Variants in FAM120B observed in about 807,000 individuals in gnomAD.
FAM120B encodes constitutive coactivator of peroxisome proliferator-activated receptor gamma.
In FAM120B, 83 loss-of-function variants were observed where a neutral mutation model predicts 96.3. That is an observed-to-expected ratio of 0.86 (90% CI 0.72 to 1.03). The LOEUF is 1.03. Ranked by LOEUF, FAM120B falls within the 50% of genes least tolerant of loss-of-function variation. FAM120B has a pLI of 0.00. For missense variants in FAM120B, 1,027 were observed against 1,121.2 expected, an observed-to-expected ratio of 0.92 and a Z score of 1.20; for synonymous variants, 407 against 402.7, an observed-to-expected ratio of 1.01 and a Z score of -0.13.
chr6:170,327,524 A>G lies in FAM120B; in HGVS notation c.1916-2925A>G, dbSNP rs369742967. Among the ~76,000 whole-genome samples, 18 of 152,328 alleles carry G rather than the reference A, an allele frequency of 1.2e-4. No homozygotes were observed. In the East Asian group the frequency reaches 2.7e-3, roughly 23 times the overall value. On this transcript the variant is annotated intron_variant, in intron 3 of 10. Transcript: ENST00000476287. ...CCACTTTAAATTATAGGCTTTATAC[A>G]CACTGCACACGGAGGCTGCTCCGGT...
intron 1 of FAM120B, among the ~76,000 whole-genome samples, chr6:170,314,673 G>C (rs964590716): frequency 6.6e-6 from 1 of 152,076 alleles, no homozygotes; most frequent in African/African-American, 2.4e-5. Flanking sequence ...GCAATGAAAG[G>C]CTTAAAAAAG....
chr6:170,309,923 T>C (rs1208933697), intron 1 of FAM120B, among the ~76,000 whole-genome samples: 2 of 152,218 alleles, frequency 1.3e-5, no homozygotes, highest in East Asian at 1.9e-4. Flanking sequence ...CATTTAGATA[T>C]AATGTTATGT....
intron 1 of FAM120B, among the ~76,000 whole-genome samples, chr6:170,307,494 G>T (rs1352676245): frequency 1.3e-5 from 2 of 152,216 alleles, no homozygotes; most frequent in Non-Finnish European, 2.9e-5. Context: ...ATAAAGGTTG[G>T]ATTTGAGCAG....
intron 4 of FAM120B, among the ~76,000 whole-genome samples, chr6:170,343,395 G>A (rs767934324): frequency 4.6e-5 from 7 of 152,058 alleles, no homozygotes; most frequent in Non-Finnish European, 8.8e-5. Flanking sequence ...TGCAAGTTCT[G>A]GAGAGAGCTA....
chr6:170,352,906 T>C (rs998368988), intron 5 of FAM120B, among the ~76,000 whole-genome samples: 20 of 150,574 alleles, frequency 1.3e-4, no homozygotes, highest in African/African-American at 4.4e-4. Context: ...CTGAAGGAGA[T>C]AGAGACACAA....
chr6:170,379,365 T>C (rs913121747), intron 6 of FAM120B, among the ~76,000 whole-genome samples: 1 of 152,206 alleles, frequency 6.6e-6, no homozygotes, highest in Non-Finnish European at 1.5e-5. Flanking sequence ...CTCAAAACTG[T>C]GATTATTAGA....
chr6:170,301,144 C>T (rs1178068010), intron 1 of FAM120B, among the ~76,000 whole-genome samples: 2 of 152,266 alleles, frequency 1.3e-5, no homozygotes, highest in Admixed American at 6.5e-5. Flanking sequence ...TCTGCCTGGA[C>T]ATCCAGGCAT....
chr6:170,399,484 G>C (rs1778415408), intron 9 of FAM120B, among the ~76,000 whole-genome samples: 1 of 149,710 alleles, frequency 6.7e-6, no homozygotes, highest in South Asian at 2.1e-4. Flanking sequence ...GAGTGAGTGA[G>C]AAAGGTAGAA....
chr6:170,338,468 G>C (rs1485567628), intron 4 of FAM120B, among the ~76,000 whole-genome samples: 1 of 152,182 alleles, frequency 6.6e-6, no homozygotes, highest in Non-Finnish European at 1.5e-5. Context: ...GTTGATTTTA[G>C]AATAAGTGCT....
upstream of FAM120B, among the ~76,000 whole-genome samples, chr6:170,302,955 T>G (rs1400588200): frequency 6.6e-6 from 1 of 152,232 alleles, no homozygotes. Context: ...TTTGCTGTAG[T>G]GTACTGTAGT....
At chr6:170,339,895 G>C (rs978547527) in intron 4 of FAM120B, among the ~76,000 whole-genome samples, 4 of 151,980 alleles carry the variant, frequency 2.6e-5, no homozygotes, top group Non-Finnish European at 4.4e-5. Context: ...TAGGTAACCT[G>C]ACCTTTCTCT....
At chr6:170,366,372 T>C (rs1183169635) in intron 6 of FAM120B, among the ~76,000 whole-genome samples, 1 of 151,520 alleles carries the variant, frequency 6.6e-6, no homozygotes, top group African/African-American at 2.4e-5. Flanking sequence ...AGAGTAGGAG[T>C]CTCTCCATTG....
At chr6:170,330,815 G>A (rs1018107768) in intron 4 of FAM120B, 1 of 440,974 alleles carries the variant, frequency 2.3e-6, no homozygotes, top group Non-Finnish European at 4.1e-6. Flanking sequence ...CACAGCAGTG[G>A]AGAGAGAAAA....
chr6:170,332,351 A>G (rs1157020408), intron 4 of FAM120B, among the ~76,000 whole-genome samples: 1 of 152,244 alleles, frequency 6.6e-6, no homozygotes, highest in East Asian at 1.9e-4. Context: ...AATGGAAAAC[A>G]GAACATCCAA....
intron 1 of FAM120B, among the ~76,000 whole-genome samples, chr6:170,300,778 C>T (rs182116502): frequency 1.6e-3 from 247 of 152,302 alleles, no homozygotes; most frequent in African/African-American, 5.6e-3. Context: ...GTCATTAAAC[C>T]TTAAAGTTCT....
chr6:170,392,934 C>G (rs79499208), intron 8 of FAM120B, among the ~76,000 whole-genome samples: 1 of 152,116 alleles, frequency 6.6e-6, no homozygotes, highest in Non-Finnish European at 1.5e-5. Flanking sequence ...GAGATTGAGA[C>G]CCCCAAAACA....
chr6:170,317,424 A>G lies in FAM120B; in HGVS notation c.34A>G (p.Ser12Gly). The G allele has an allele frequency of 6.2e-7, 1 of 1,612,204 alleles. No homozygotes were observed. The highest frequency in any genetic ancestry group is 8.5e-7 in the Non-Finnish European group (1 of 1,178,318). The stretch of plus-strand genomic sequence containing the variant: ...GAGAGGTTTGCAAGGATTTGTGGGA[A>G]GTACCTGCCCACATATATGTACAGT... ...GVRGLQGFVG[S>G]TCPHICTVVN... Residue 12 changes from serine (S) to glycine (G), a missense_variant, in exon 2 of 11, where the codon AGT (serine) becomes GGT (glycine). Coordinates refer to ENST00000476287, the MANE Select transcript of FAM120B (RefSeq NM_032448.3).
chr6:170,333,986 C>G (rs1222767196), intron 4 of FAM120B, among the ~76,000 whole-genome samples: 7 of 152,174 alleles, frequency 4.6e-5, no homozygotes, highest in African/African-American at 1.4e-4. Context: ...TGCTCTCACT[C>G]CCTTACTAAC....
upstream of FAM120B, among the ~76,000 whole-genome samples, chr6:170,303,863 T>C (rs1352026107): frequency 6.6e-6 from 1 of 152,226 alleles, no homozygotes; most frequent in African/African-American, 2.4e-5. Flanking sequence ...TTTATTTCCT[T>C]ATTCACTTTC....
Sources: gnomAD v4.1 joint callset for allele counts (sites outside exome capture counted in the v4.1 genomes callset) on GRCh38, gnomAD v4.1.1 for gene constraint, MANE v1.5 for transcripts, NCBI Gene and HGNC (gene_info 2026-07-23, HGNC 2026-07-21) for gene names.